PPEF1: variants seen among roughly 807,000 people sequenced by gnomAD.
The protein encoded by PPEF1 is serine/threonine-protein phosphatase with EF-hands 1.
A neutral mutation model predicts 53.3 loss-of-function variants in PPEF1; 12 were observed. That is an observed-to-expected ratio of 0.23 (90% confidence interval 0.14 to 0.36). The LOEUF is 0.36. Ranked by LOEUF, PPEF1 falls within the 10% of genes least tolerant of loss-of-function variation. The pLI is 1.00. For missense variants in PPEF1, 334 were observed against 490.4 expected (o/e 0.68, Z 3.01); for synonymous variants, 165 against 176.7 (o/e 0.93, Z 0.52).
intron 1 of PPEF1, among the ~76,000 whole-genome samples, chrX:18,725,108 G>A (rs751699699): frequency 1.8e-5 from 2 of 111,236 alleles, no homozygotes; most frequent in South Asian, 7.7e-4. Context: ...GTGCGTTGGA[G>A]CCTGCAGGAA....
At chrX:18,744,666 A>G (rs775209917) in intron 3 of PPEF1, among the ~76,000 whole-genome samples, 1 of 111,639 alleles carries the variant, frequency 9.0e-6, no homozygotes, top group African/African-American at 3.2e-5. Flanking sequence ...TTTTGTTGCT[A>G]TGGTGAATAG....
At chrX:18,821,019 G>C (rs938278603) in intron 13 of PPEF1, among the ~76,000 whole-genome samples, 7 of 108,863 alleles carry the variant, frequency 6.4e-5, no homozygotes, top group African/African-American at 2.0e-4. Context: ...GTCAGGAGAT[G>C]GAGACCATCC....
intron 6 of PPEF1, among the ~76,000 whole-genome samples, chrX:18,777,443 A>G (rs1038199209): frequency 8.9e-6 from 1 of 112,679 alleles, no homozygotes; most frequent in African/African-American, 3.2e-5. Context: ...AAAAAGATTA[A>G]TATTTCTAGA....
At chrX:18,721,444 G>A (rs2147336614) in intron 1 of PPEF1, among the ~76,000 whole-genome samples, 1 of 111,680 alleles carries the variant, frequency 9.0e-6, no homozygotes, top group South Asian at 3.7e-4. Context: ...TCGTGCCCTT[G>A]GATGGTTATT....
chrX:18,738,524 G>A (rs2045053532), intron 3 of PPEF1, among the ~76,000 whole-genome samples: 1 of 112,033 alleles, frequency 8.9e-6, no homozygotes, highest in Non-Finnish European at 1.9e-5. Context: ...CCCTTTGTGG[G>A]TAACCCGACC....
At chrX:18,795,007 AT>A (rs1000777155) in intron 10 of PPEF1, among the ~76,000 whole-genome samples, 46 of 111,310 alleles carry the variant, frequency 4.1e-4, no homozygotes, top group African/African-American at 1.3e-3. Flanking sequence ...AACTATTTTA[AT>A]TTTTTTTTAA....
rs185478236 is a variant in PPEF1 at position 18,802,945 on chromosome X, T to C, written c.1066-947T>C. 1.7e-3 allele frequency among the ~76,000 whole-genome samples: 193 copies of C among 111,982 alleles called. 1 individual carries two copies. The highest frequency in any genetic ancestry group is 5.9e-3 in the African/African-American group (181 of 30,831). On this transcript the variant is annotated intron_variant, in intron 10 of 15. Coordinates refer to ENST00000470157, the MANE Select transcript of PPEF1 (RefSeq NM_001377996.1). ...ATGAATATGAAACAATATTCTTTTT[T>C]CTTTTTCTTTTTTGCGGAGACCAGC...
chrX:18,727,457 A>G (rs1310819468), intron 1 of PPEF1, among the ~76,000 whole-genome samples: 1 of 111,338 alleles, frequency 9.0e-6, no homozygotes, highest in Non-Finnish European at 1.9e-5. Flanking sequence ...AGATGTGTGT[A>G]GGGAAAATCT....
intron 1 of PPEF1, among the ~76,000 whole-genome samples, chrX:18,710,564 C>A (rs2044300541): frequency 9.0e-6 from 1 of 111,713 alleles, no homozygotes; most frequent in African/African-American, 3.3e-5. Flanking sequence ...GGCTAACAAA[C>A]ACACGAAAAA....
chrX:18,745,390 AT>A (rs377104567), intron 3 of PPEF1, among the ~76,000 whole-genome samples: 1 of 104,511 alleles, frequency 9.6e-6, no homozygotes, highest in African/African-American at 3.5e-5. Context: ...ATTTTTTTGC[AT>A]TTTTTGTAGG....
chrX:18,812,068 CAG>C (rs2046822570), intron 12 of PPEF1, among the ~76,000 whole-genome samples: 1 of 111,733 alleles, frequency 8.9e-6, no homozygotes, highest in African/African-American at 3.2e-5. Flanking sequence ...TTGCCTAACT[CAG>C]AGTCATAAGG....
intron 12 of PPEF1, among the ~76,000 whole-genome samples, chrX:18,814,305 C>A (rs12009637): frequency 0.011 from 1,209 of 111,771 alleles, 23 homozygotes; most frequent in African/African-American, 0.037. Context: ...GATGAACATA[C>A]AACTGCATGT....
At chrX:18,710,627 A>T (rs1045907346) in intron 1 of PPEF1, among the ~76,000 whole-genome samples, 1 of 111,988 alleles carries the variant, frequency 8.9e-6, no homozygotes, top group Non-Finnish European at 1.9e-5. Flanking sequence ...CCATAATGAG[A>T]TACCACCTTA....
chrX:18,685,995 T>C (rs1929064617), intron 2 of PPEF1: 1 of 112,280 alleles, frequency 8.9e-6, no homozygotes, highest in South Asian at 3.7e-4. Flanking sequence ...TCATTTTTTC[T>C]TTTAAAAAGG....
In PPEF1 at chrX:18,805,274, G is replaced by A. The variant is rs367733955; in HGVS notation, c.1252-1129G>A. On this transcript the variant is annotated intron_variant, in intron 11 of 15. Transcript: ENST00000470157. Reference sequence around the variant, plus strand: ...GCTGGGATTATAGGCATTAGCCACCGCGCCTGGCCTGGAATGCACCTTTTT... The same window carrying A: ...GCTGGGATTATAGGCATTAGCCACCACGCCTGGCCTGGAATGCACCTTTTT... 4.5e-5 allele frequency among the ~76,000 whole-genome samples: 5 copies of A among 111,111 alleles called. No homozygotes were observed. In the East Asian group the frequency reaches 8.6e-4, roughly 19 times the overall value.
At chrX:18,705,721 T>C (rs2044180616), upstream of PPEF1, among the ~76,000 whole-genome samples, 3 of 109,630 alleles carry the variant, frequency 2.7e-5, no homozygotes, top group Admixed American at 2.9e-4. Flanking sequence ...TCTCAAAAAA[T>C]AAATAAAAAT....
intron 9 of PPEF1, among the ~76,000 whole-genome samples, chrX:18,788,291 C>T (rs761429463): frequency 1.4e-4 from 9 of 66,314 alleles, no homozygotes; most frequent in Non-Finnish European, 2.3e-4. Context: ...GGGGACAGAG[C>T]AAGACTCTGT....
intron 3 of PPEF1, among the ~76,000 whole-genome samples, chrX:18,689,880 C>G (rs960764645): frequency 9.0e-6 from 1 of 111,142 alleles, no homozygotes; most frequent in African/African-American, 3.3e-5. Flanking sequence ...GTTAGCTACT[C>G]CGGGTCACGA....
At chrX:18,676,686 A>G (rs1024744699) in intron 1 of PPEF1, among the ~76,000 whole-genome samples, 2 of 112,030 alleles carry the variant, frequency 1.8e-5, no homozygotes, top group Admixed American at 1.9e-4. Context: ...CTAGCGGTCG[A>G]AAACAAGACT....
Sources: gnomAD v4.1 joint callset for allele counts (sites outside exome capture counted in the v4.1 genomes callset) on GRCh38, gnomAD v4.1.1 for gene constraint, MANE v1.5 for transcripts, NCBI Gene and HGNC (gene_info 2026-07-23, HGNC 2026-07-21) for gene names.